Variants in KLF11 observed in about 807,000 individuals in gnomAD.
KLF11 encodes Krueppel-like factor 11.
In KLF11, 26 loss-of-function variants were observed where a neutral mutation model predicts 29.9. The observed-to-expected ratio is 0.87, with a 90% CI of 0.64 to 1.21. The LOEUF (loss-of-function observed/expected upper bound fraction) is 1.21, where lower values mean the gene tolerates loss of function less well. KLF11 is among the 50% of genes most tolerant of loss of function. The pLI is 0.00. For missense variants in KLF11, 778 were observed against 665.7 expected, an observed-to-expected ratio of 1.17 and a Z score of -1.86; for synonymous variants, 318 against 257.4, an observed-to-expected ratio of 1.24 and a Z score of -2.25.
rs1243822448 is a variant in KLF11, at chr2:10,053,649, C to T, written c.*1142C>T. ...AATACTACCCAACTGCCTTTCTGTTCATTTTGTTTGAAGGAAATTGTTTTG... is the reference window on the plus strand; with the variant it reads ...AATACTACCCAACTGCCTTTCTGTTTATTTTGTTTGAAGGAAATTGTTTTG... On this transcript the variant is annotated 3_prime_UTR_variant, in exon 4 of 4. Transcript: ENST00000305883. 2 of 379,254 alleles carry T rather than the reference C, an allele frequency of 5.3e-6. No homozygotes were observed. Among genetic ancestry groups the T allele is most frequent in the African/African-American group, 2.1e-5 (1 of 48,274 alleles). The allele number at this position is 379,254 out of a possible 1,614,324, so 23.5% of individuals were successfully genotyped here. A position where few individuals can be genotyped will look rare whatever the true frequency, so the allele number is the denominator to read the frequency against.
At position 10,052,318 on chromosome 2, in the gene KLF11, G is replaced by A. The variant is rs530178098; in HGVS notation, c.1350G>A (p.Gly450=). The A allele has an allele frequency of 6.2e-7, 1 of 1,614,184 alleles. No individual in the cohort carries two copies. The highest frequency in any genetic ancestry group is 1.3e-5 in the African/African-American group (1 of 75,028). The change falls in exon 4 of 4, where the codon GGG becomes GGA. Residue 450 remains glycine, a synonymous_variant. Coordinates refer to ENST00000305883, the MANE Select transcript of KLF11 (RefSeq NM_003597.5). The part of the protein sequence containing the change: ...ELSRHRRTHT[G]EKKFVCPVCD... ...CACGCCACCGCAGAACTCACACAGG[G>A]GAGAAGAAGTTTGTGTGCCCGGTGT...
At chr2:10,047,301 T>C (rs1478871818) in intron 2 of KLF11, among the ~76,000 whole-genome samples, 3 of 152,238 alleles carry the variant, frequency 2.0e-5, no homozygotes, top group Admixed American at 6.5e-5. Flanking sequence ...GTGATTGTCC[T>C]GGGCTGGAAG....
At position 10,046,257 on chromosome 2, in the gene KLF11, T is replaced by C. The variant is rs750327369; in HGVS notation, c.150T>C (p.Ala50=). ...AGACAGACATGGAAGCTGTCGAGGC[T>C]CTTGTTTGTATGAGCTCCTGGGGTC... The part of the protein sequence containing the change: ...LEQTDMEAVE[A]LVCMSSWGQR... Residue 50 remains alanine (A), a synonymous_variant, in exon 2 of 4, where the codon GCT becomes GCC. Coordinates refer to ENST00000305883, the MANE Select transcript of KLF11 (RefSeq NM_003597.5). The C allele has an allele frequency of 3.1e-6, 5 of 1,614,018 alleles. No homozygotes were observed. In the South Asian group the frequency reaches 4.4e-5, roughly 14 times the overall value.
intron 1 of KLF11, among the ~76,000 whole-genome samples, chr2:10,045,196 C>T (rs1387766999): frequency 6.6e-6 from 1 of 151,688 alleles, no homozygotes; most frequent in Non-Finnish European, 1.5e-5. Context: ...GAGGTCAAGG[C>T]GGGTGGATCG....
chr2:10,044,555 C>G, intron 1 of KLF11: 1 of 457,444 alleles, frequency 2.2e-6, no homozygotes, highest in Non-Finnish European at 2.9e-6. Context: ...CTTGTTTGAT[C>G]TCGGGGAACC....
Position 10,048,031 on chromosome 2 carries a change from C to A in KLF11, c.694C>A (p.Gln232Lys), listed in dbSNP as rs748565756. ...SLLSTNLVSC[Q>K]PCLHKSGGLL... ...ACTCAGCACTAACTTGGTGTCCTGT[C>A]AGCCCTGCTTGCACAAGTCTGGTGG... Residue 232 changes from glutamine (Q) to lysine (K), a missense_variant, in exon 3 of 4, where the codon CAG becomes AAG. Coordinates refer to ENST00000305883, the MANE Select transcript of KLF11 (RefSeq NM_003597.5). 2 of 1,614,202 alleles carry A rather than the reference C, an allele frequency of 1.2e-6. No homozygotes were observed. Among genetic ancestry groups the A allele is most frequent in the Non-Finnish European group, 1.7e-6 (2 of 1,180,032 alleles).
chr2:10,047,065 A>G (rs1661229357), intron 2 of KLF11, among the ~76,000 whole-genome samples: 2 of 152,162 alleles, frequency 1.3e-5, no homozygotes, highest in South Asian at 4.2e-4. Flanking sequence ...ATATATCGGT[A>G]GCAGCTGGAG....
intron 3 of KLF11, among the ~76,000 whole-genome samples, chr2:10,049,420 G>A (rs891244047): frequency 1.3e-5 from 2 of 152,230 alleles, no homozygotes; most frequent in African/African-American, 2.4e-5. Context: ...TGCTCTGATC[G>A]TGGTAGCCTC....
At position 10,046,653 on chromosome 2, in the gene KLF11, G is replaced by A. The variant is rs866451412; in HGVS notation, c.312+234G>A. 7.7e-4 allele frequency among the ~76,000 whole-genome samples: 117 copies of A among 152,220 alleles called. 1 individual carries two copies. The highest frequency in any genetic ancestry group is 2.4e-3 in the African/African-American group (99 of 41,518). Reference sequence around the variant, plus strand: ...AGGCAGATCACAAGGTCAGGAGTTCGAGACCAGCCAGACCAACATGGTGAA... The same window carrying A: ...AGGCAGATCACAAGGTCAGGAGTTCAAGACCAGCCAGACCAACATGGTGAA... On this transcript the variant is annotated intron_variant, in intron 2 of 3. Coordinates refer to ENST00000305883, the MANE Select transcript of KLF11 (RefSeq NM_003597.5).
At position 10,047,679 on chromosome 2, in the gene KLF11, C is replaced by G. The variant is rs541661662; in HGVS notation, c.342C>G (p.Leu114=). 6.2e-7 allele frequency: 1 copy of G among 1,613,338 alleles called. No homozygotes were observed. The highest frequency in any genetic ancestry group is 8.5e-7 in the Non-Finnish European group (1 of 1,179,998). The change falls in exon 3 of 4, where the codon CTC becomes CTG. Residue 114 remains leucine, a synonymous_variant. Transcript: ENST00000305883. ...TAACTCCTCCTCAGAGCCCTGATCT[C>G]GTGGAGCCATCGACAAGGACACCTG... ...LCITPPQSPD[L]VEPSTRTPVS...
rs143993746 is a variant in KLF11 at position 10,053,147 on chromosome 2, GCAATCATTCCTGTCAC to G, written c.*644_*659del. ...CATAACGTTTTCAAGGAAATTCTAG[GCAATCATTCCTGTCAC>G]CAAAGAACTAAAATTTTGGTTGACT... is the stretch of plus-strand genomic sequence containing the variant. On this transcript the variant is annotated 3_prime_UTR_variant, in exon 4 of 4. Coordinates refer to ENST00000305883, the MANE Select transcript of KLF11 (RefSeq NM_003597.5). The G allele has an allele frequency of 0.1, 40,657 of 398,516 alleles. 2,276 individuals are homozygous for G. The highest frequency in any genetic ancestry group is 0.18 in the Middle Eastern group (288 of 1,588). The allele number at this position is 398,516 out of a possible 1,614,324, so 24.7% of individuals were successfully genotyped here.
At chr2:10,046,460 C>T (rs1344180375) in intron 2 of KLF11, 41 bp downstream of exon 2, 2 of 1,602,430 alleles carry the variant, frequency 1.2e-6, no homozygotes, top group Non-Finnish European at 1.7e-6. Context: ...TGTGAAATGA[C>T]TAGAGTAGCT....
chr2:10,043,754 G>A lies in KLF11; in HGVS notation c.38G>A (p.Arg13His). 2 of 1,380,732 alleles carry A rather than the reference G, an allele frequency of 1.4e-6. No individual in the cohort carries two copies. Among genetic ancestry groups the A allele is most frequent in the Non-Finnish European group, 1.9e-6 (2 of 1,051,408 alleles). The allele number at this position is 1,380,732 out of a possible 1,614,324, so 85.5% of individuals were successfully genotyped here. Residue 13 changes from arginine to histidine, a missense_variant, in exon 1 of 4, where the codon CGC becomes CAC. Transcript: ENST00000305883. The stretch of plus-strand genomic sequence containing the variant: ...GACTTCGCAGGCCCAGACGACGCGC[G>A]CGCAGTGAGTGGTGGGGCTGCCGCG... ...TPDFAGPDDA[R>H]AVDIMDICES...
Position 10,047,773 on chromosome 2 carries a change from G to A in KLF11, c.436G>A (p.Ala146Thr). 1 of 1,613,670 alleles carries A rather than the reference G, an allele frequency of 6.2e-7. No homozygotes were observed. The change falls in exon 3 of 4, where the codon GCC becomes ACC. Residue 146 changes from alanine (A) to threonine (T), a missense_variant. Physicochemically the swap from Ala to Thr is moderately conservative, Grantham distance 58. Coordinates refer to ENST00000305883, the MANE Select transcript of KLF11 (RefSeq NM_003597.5). ...TDVLQSSAVV[A>T]RALSGGAERG... ...TGTTCTCCAGTCCTCTGCCGTAGTGGCCAGAGCTCTGAGCGGGGGCGCGGA... is the reference window on the plus strand; with the variant it reads ...TGTTCTCCAGTCCTCTGCCGTAGTGACCAGAGCTCTGAGCGGGGGCGCGGA...
At position 10,047,710 on chromosome 2, in the gene KLF11, C is replaced by T; in HGVS notation, c.373C>T (p.Pro125Ser). 1.9e-6 allele frequency: 3 copies of T among 1,613,614 alleles called. No homozygotes were observed. Among genetic ancestry groups the T allele is most frequent in the Non-Finnish European group, 2.5e-6 (3 of 1,180,034 alleles). Residue 125 changes from proline (P) to serine (S), a missense_variant, in exon 3 of 4, where the codon CCC becomes TCC. Physicochemically the swap from Pro to Ser is moderately conservative, Grantham distance 74. Coordinates refer to ENST00000305883, the MANE Select transcript of KLF11 (RefSeq NM_003597.5). ...GCCATCGACAAGGACACCTGTTTCT[C>T]CCCAAGTAACAGATTCCAAAGCATG... Reference protein sequence around the residue: ...VEPSTRTPVSPQVTDSKACTA... With the variant: ...VEPSTRTPVSSQVTDSKACTA...
chr2:10,052,315 A>C lies in KLF11; in HGVS notation c.1347A>C (p.Thr449=). 3.1e-6 allele frequency: 5 copies of C among 1,614,112 alleles called. No individual in the cohort carries two copies. The highest frequency in any genetic ancestry group is 4.2e-6 in the Non-Finnish European group (5 of 1,180,018). ...TGTCACGCCACCGCAGAACTCACAC[A>C]GGGGAGAAGAAGTTTGTGTGCCCGG... ...DELSRHRRTH[T]GEKKFVCPVC... Residue 449 remains threonine, a synonymous_variant, in exon 4 of 4, where the codon ACA becomes ACC. Coordinates refer to ENST00000305883, the MANE Select transcript of KLF11 (RefSeq NM_003597.5).
rs557801682 is a variant in KLF11, at chr2:10,052,949, T to C, written c.*442T>C. 5.9e-6 allele frequency: 2 copies of C among 338,682 alleles called. No homozygotes were observed. Among genetic ancestry groups the C allele is most frequent in the Non-Finnish European group, 1.1e-5 (2 of 189,588 alleles). The allele number at this position is 338,682 out of a possible 1,614,324, so 21.0% of individuals were successfully genotyped here. On this transcript the variant is annotated 3_prime_UTR_variant, in exon 4 of 4. Transcript: ENST00000305883. ...CTAGCTAGATCATTTTGCAGCCTTC[T>C]TTTCAGTGTTTAATAACAAAGTTTT...
chr2:10,044,047 A>C lies in KLF11; in HGVS notation c.42+289A>C, dbSNP rs929401451. 21 of 696,436 alleles carry C rather than the reference A, an allele frequency of 3.0e-5. No individual in the cohort carries two copies. The African/African-American group carries it at 3.9e-4, about 13-fold the overall frequency. The allele number at this position is 696,436 out of a possible 1,614,324, so 43.1% of individuals were successfully genotyped here. A position where few individuals can be genotyped will look rare whatever the true frequency, so the allele number is the denominator to read the frequency against. ...GGCCCCGCGGCTATTTCCAGCCATG[A>C]CGTCACCCCGGTCCTGTGAGCCGGA... On this transcript the variant is annotated intron_variant, in intron 1 of 3. Transcript: ENST00000305883.
intron 1 of KLF11, 58 bp from the exon 2 acceptor site, chr2:10,046,092 A>G: frequency 6.2e-7 from 1 of 1,608,540 alleles, no homozygotes; most frequent in Non-Finnish European, 8.5e-7. Flanking sequence ...CATGCCCATC[A>G]TGGGTGGCCT....
Sources: gnomAD v4.1 joint callset for allele counts (sites outside exome capture counted in the v4.1 genomes callset) on GRCh38, gnomAD v4.1.1 for gene constraint, MANE v1.5 for transcripts, NCBI Gene and HGNC (gene_info 2026-07-23, HGNC 2026-07-21) for gene names.